The following SLC24A2 variants were observed in gnomAD, a reference collection of about 807,000 sequenced individuals.
The protein encoded by SLC24A2 is sodium/potassium/calcium exchanger 2.
Under a neutral mutation model 62.0 loss-of-function variants are expected in SLC24A2, and 36 were observed. The observed-to-expected ratio is 0.58, with a 90% CI of 0.44 to 0.77. SLC24A2 has a LOEUF of 0.77. Ranked by LOEUF, SLC24A2 falls within the 30% of genes least tolerant of loss-of-function variation. The pLI, the probability that SLC24A2 is intolerant of heterozygous loss-of-function variation, is 0.00. For missense variants in SLC24A2, 846 were observed against 817.9 expected, an observed-to-expected ratio of 1.03 and a Z score of -0.42; for synonymous variants, 358 against 294.0, an observed-to-expected ratio of 1.22 and a Z score of -2.23.
At chr9:19,979,839 C>G in the SLC24A2 span, among the ~76,000 whole-genome samples, 2 of 152,186 alleles carry the variant, frequency 1.3e-5, no homozygotes, top group Non-Finnish European at 2.9e-5. Context: ...TCACTCACAA[C>G]GCAACTTTAA....
chr9:20,155,611 A>T, the SLC24A2 span, among the ~76,000 whole-genome samples: 2 of 151,854 alleles, frequency 1.3e-5, no homozygotes, highest in African/African-American at 4.8e-5. Context: ...CATTTTAAAA[A>T]TCATACAATA....
chr9:19,711,600 G>A (rs1414623949), intron 2 of SLC24A2, among the ~76,000 whole-genome samples: 1 of 152,194 alleles, frequency 6.6e-6, no homozygotes, highest in East Asian at 1.9e-4. Flanking sequence ...TAAAGATAAT[G>A]CCTAGGATTT....
the SLC24A2 span, among the ~76,000 whole-genome samples, chr9:20,003,327 T>C: frequency 6.6e-6 from 1 of 152,188 alleles, no homozygotes; most frequent in South Asian, 2.1e-4. Flanking sequence ...AAATCCACTC[T>C]TGTTTTCTCT....
the SLC24A2 span, among the ~76,000 whole-genome samples, chr9:20,293,900 C>A: frequency 2.0e-5 from 3 of 152,120 alleles, no homozygotes; most frequent in Non-Finnish European, 2.9e-5. Flanking sequence ...GTAAGCCAAC[C>A]AAGTCCTCAG....
intron 2 of SLC24A2, among the ~76,000 whole-genome samples, chr9:19,733,684 T>A (rs551513758): frequency 6.6e-6 from 1 of 152,210 alleles, no homozygotes; most frequent in East Asian, 1.9e-4. Context: ...ATAATCTTAC[T>A]TGTGGTTTGC....
chr9:19,956,365 T>C, the SLC24A2 span, among the ~76,000 whole-genome samples: 1 of 152,202 alleles, frequency 6.6e-6, no homozygotes, highest in African/African-American at 2.4e-5. Flanking sequence ...TATAGCAAAA[T>C]ATTTGTGTCC....
At chr9:20,243,572 G>A in the SLC24A2 span, among the ~76,000 whole-genome samples, 4 of 152,068 alleles carry the variant, frequency 2.6e-5, no homozygotes, top group Non-Finnish European at 4.4e-5. Flanking sequence ...ATTGTAACAC[G>A]CTTACACATA....
At chr9:20,230,032 T>C in the SLC24A2 span, among the ~76,000 whole-genome samples, 82 of 152,220 alleles carry the variant, frequency 5.4e-4, no homozygotes, top group African/African-American at 1.9e-3. Context: ...TGGTTTCCAG[T>C]TTCATCCATG....
At chr9:19,594,622 C>G (rs1836653793) in intron 5 of SLC24A2, among the ~76,000 whole-genome samples, 1 of 152,176 alleles carries the variant, frequency 6.6e-6, no homozygotes, top group African/African-American at 2.4e-5. Context: ...AAGCCCTGCT[C>G]AAAAGCTAGT....
chr9:20,115,197 T>C, the SLC24A2 span, among the ~76,000 whole-genome samples: 2 of 152,124 alleles, frequency 1.3e-5, no homozygotes, highest in Non-Finnish European at 2.9e-5. Context: ...ACAAAGGTTA[T>C]CTTATCATGC....
intron 2 of SLC24A2, among the ~76,000 whole-genome samples, chr9:19,633,270 T>C (rs1263137897): frequency 6.6e-6 from 1 of 152,242 alleles, no homozygotes; most frequent in Non-Finnish European, 1.5e-5. Context: ...CATTCATGTA[T>C]GAGTTTCTGT....
At chr9:19,938,060 TTTCTA>T in the SLC24A2 span, among the ~76,000 whole-genome samples, 1 of 152,130 alleles carries the variant, frequency 6.6e-6, no homozygotes, top group Non-Finnish European at 1.5e-5. Flanking sequence ...TAGTGAGTCT[TTTCTA>T]TACTGTATAG....
chr9:20,209,851 A>T, the SLC24A2 span, among the ~76,000 whole-genome samples: 1 of 152,210 alleles, frequency 6.6e-6, no homozygotes, highest in Non-Finnish European at 1.5e-5. Flanking sequence ...AATAAGAAAG[A>T]CTTTCAAAAG....
the SLC24A2 span, among the ~76,000 whole-genome samples, chr9:20,086,507 C>A: frequency 2.0e-5 from 3 of 152,184 alleles, no homozygotes; most frequent in Non-Finnish European, 4.4e-5. Flanking sequence ...TGTGTCACTT[C>A]CTTAACCACT....
At chr9:20,295,948 CCTGA>C in the SLC24A2 span, among the ~76,000 whole-genome samples, 48 of 152,208 alleles carry the variant, frequency 3.2e-4, no homozygotes, top group African/African-American at 1.1e-3. Flanking sequence ...TCTGGAGAAC[CCTGA>C]CTAATATAAA....
chr9:20,108,151 C>A, the SLC24A2 span, among the ~76,000 whole-genome samples: 1 of 152,198 alleles, frequency 6.6e-6, no homozygotes, highest in African/African-American at 2.4e-5. Context: ...CAATGAGATA[C>A]CATCTCACAC....
the SLC24A2 span, among the ~76,000 whole-genome samples, chr9:20,096,002 A>G: frequency 4.6e-5 from 7 of 152,116 alleles, no homozygotes; most frequent in Non-Finnish European, 4.4e-5. Context: ...CTTCCACAAC[A>G]TGTGGAATTA....
the SLC24A2 span, among the ~76,000 whole-genome samples, chr9:19,903,592 G>C: frequency 2.0e-5 from 3 of 152,216 alleles, no homozygotes; most frequent in Admixed American, 2.0e-4. Flanking sequence ...AGCAAGAAAA[G>C]AGACAGAGGT....
the SLC24A2 span, among the ~76,000 whole-genome samples, chr9:20,257,697 T>C: frequency 1.3e-5 from 2 of 152,212 alleles, no homozygotes; most frequent in Admixed American, 6.5e-5. Flanking sequence ...TTCTTCCTCA[T>C]CTGTAAAATG....
Sources: allele counts gnomAD v4.1 joint callset (sites outside exome capture counted in the v4.1 genomes callset), GRCh38; gene constraint gnomAD v4.1.1; transcripts MANE v1.5; gene names NCBI Gene and HGNC (gene_info 2026-07-23, HGNC 2026-07-21).